LRMDA: variants seen among roughly 807,000 people sequenced by gnomAD.
LRMDA encodes the protein leucine-rich melanocyte differentiation-associated protein.
Under a neutral mutation model 29.8 loss-of-function variants are expected in LRMDA, and 18 were observed. The observed-to-expected ratio is 0.60, with a 90% CI of 0.42 to 0.90. The LOEUF is 0.90. Ranked by LOEUF, LRMDA falls within the 40% of genes least tolerant of loss-of-function variation. The probability of loss-of-function intolerance (pLI) is 0.00; values close to 1 mark genes in which losing one functional copy is unlikely to be tolerated. For synonymous variants in LRMDA, 125 were observed against 109.4 expected (o/e 1.14, Z -0.89); for missense variants, 273 against 273.9 (o/e 1.00, Z 0.02).
chr10:75,455,591 T>C (rs141938368), intron 2 of LRMDA, among the ~76,000 whole-genome samples: 1 of 152,146 alleles, frequency 6.6e-6, no homozygotes, highest in Non-Finnish European at 1.5e-5. Context: ...GTGAGTGGCA[T>C]TGGGGAGCTA....
At chr10:75,923,529 A>C (rs1009192334) in intron 2 of LRMDA, among the ~76,000 whole-genome samples, 1 of 152,152 alleles carries the variant, frequency 6.6e-6, no homozygotes, top group Non-Finnish European at 1.5e-5. Context: ...CATAAATCTC[A>C]GTCTCCGATC....
intron 6 of LRMDA, among the ~76,000 whole-genome samples, chr10:76,430,635 G>A (rs1842181063): frequency 6.6e-6 from 1 of 152,158 alleles, no homozygotes; most frequent in South Asian, 2.1e-4. Flanking sequence ...CACAGTGAGT[G>A]TTTTTAGGGA....
intron 6 of LRMDA, among the ~76,000 whole-genome samples, chr10:76,547,686 T>C (rs772614533): frequency 5.3e-5 from 8 of 152,054 alleles, no homozygotes; most frequent in Non-Finnish European, 1.0e-4. Context: ...CTGAAAGATG[T>C]CTGAGTTTCT....
At chr10:76,044,892 T>G (rs1190100474) in intron 3 of LRMDA, among the ~76,000 whole-genome samples, 5 of 152,214 alleles carry the variant, frequency 3.3e-5, no homozygotes, top group African/African-American at 1.2e-4. Context: ...TTTTGCTAGT[T>G]TCCCCTCTTG....
intron 6 of LRMDA, among the ~76,000 whole-genome samples, chr10:76,442,193 G>A (rs938825615): frequency 6.6e-6 from 1 of 152,072 alleles, no homozygotes; most frequent in Non-Finnish European, 1.5e-5. Context: ...TTGGTTTTAC[G>A]CAAGAAAATT....
intron 6 of LRMDA, among the ~76,000 whole-genome samples, chr10:76,340,988 A>G (rs2040262245): frequency 6.6e-6 from 1 of 152,202 alleles, no homozygotes; most frequent in African/African-American, 2.4e-5. Context: ...AAATATATAA[A>G]TATGCTTAAT....
At chr10:76,360,536 C>T (rs149320178) in intron 6 of LRMDA, among the ~76,000 whole-genome samples, 176 of 152,274 alleles carry the variant, frequency 1.2e-3, no homozygotes, top group African/African-American at 3.8e-3. Context: ...AAAGGCAAAG[C>T]ACAGAAGTCA....
At chr10:75,715,744 TAA>T (rs1267721067) in intron 2 of LRMDA, among the ~76,000 whole-genome samples, 1 of 152,146 alleles carries the variant, frequency 6.6e-6, no homozygotes, top group Non-Finnish European at 1.5e-5. Context: ...TGTAGTTTTT[TAA>T]ATGACTGAGA....
At chr10:75,862,556 A>C (rs1844950105) in intron 2 of LRMDA, among the ~76,000 whole-genome samples, 1 of 152,210 alleles carries the variant, frequency 6.6e-6, no homozygotes, top group African/African-American at 2.4e-5. Flanking sequence ...ATTTCAAGTC[A>C]TTAGGCGATA....
intron 2 of LRMDA, among the ~76,000 whole-genome samples, chr10:75,542,508 C>A (rs966314748): frequency 6.6e-6 from 1 of 151,982 alleles, no homozygotes; most frequent in Non-Finnish European, 1.5e-5. Flanking sequence ...TTCTAGACAA[C>A]CCCACTCTGA....
At chr10:75,812,391 G>A (rs142236819) in intron 2 of LRMDA, among the ~76,000 whole-genome samples, 1 of 152,052 alleles carries the variant, frequency 6.6e-6, no homozygotes, top group African/African-American at 2.4e-5. Context: ...TGGGAAGGGT[G>A]GTACATATTT....
chr10:76,079,973 T>C (rs1849023396), intron 5 of LRMDA, among the ~76,000 whole-genome samples: 1 of 152,180 alleles, frequency 6.6e-6, no homozygotes, highest in African/African-American at 2.4e-5. Flanking sequence ...AAGTTTTCTT[T>C]TGTGATTTCT....
chr10:75,599,927 G>A (rs1036906079), intron 2 of LRMDA, among the ~76,000 whole-genome samples: 2 of 152,168 alleles, frequency 1.3e-5, no homozygotes, highest in Non-Finnish European at 2.9e-5. Context: ...TGCACTGCAA[G>A]CCCTTCCTGG....
intron 5 of LRMDA, among the ~76,000 whole-genome samples, chr10:76,280,538 T>C (rs1251453564): frequency 6.6e-6 from 1 of 152,350 alleles, no homozygotes; most frequent in East Asian, 1.9e-4. Flanking sequence ...ACATTGATCA[T>C]TCATTTATTC....
intron 6 of LRMDA, among the ~76,000 whole-genome samples, chr10:76,385,641 C>G (rs1377580960): frequency 6.6e-6 from 1 of 152,158 alleles, no homozygotes; most frequent in African/African-American, 2.4e-5. Flanking sequence ...TCATCATGCT[C>G]TACATTTCTG....
At chr10:75,756,418 G>A (rs1040191205) in intron 2 of LRMDA, among the ~76,000 whole-genome samples, 2 of 152,170 alleles carry the variant, frequency 1.3e-5, no homozygotes, top group Admixed American at 6.5e-5. Flanking sequence ...GAGTGGTGGA[G>A]CATAGAGTTA....
intron 2 of LRMDA, among the ~76,000 whole-genome samples, chr10:75,572,561 C>T (rs1401425770): frequency 6.6e-6 from 1 of 152,176 alleles, no homozygotes; most frequent in Admixed American, 6.5e-5. Context: ...GCCAAGTACA[C>T]TATTAATTTT....
intron 2 of LRMDA, among the ~76,000 whole-genome samples, chr10:75,664,139 A>G (rs937581232): frequency 6.6e-6 from 1 of 152,108 alleles, no homozygotes; most frequent in African/African-American, 2.4e-5. Context: ...CTTGGTCTAG[A>G]TCGCTGACTC....
intron 5 of LRMDA, among the ~76,000 whole-genome samples, chr10:76,247,422 A>C (rs1176091670): frequency 1.3e-5 from 2 of 152,174 alleles, no homozygotes; most frequent in Non-Finnish European, 2.9e-5. Context: ...GGGACTGAGC[A>C]AGCCATTTCA....
Sources: allele counts gnomAD v4.1 joint callset (sites outside exome capture counted in the v4.1 genomes callset), GRCh38; gene constraint gnomAD v4.1.1; transcripts MANE v1.5; gene names NCBI Gene and HGNC (gene_info 2026-07-23, HGNC 2026-07-21).